NLGN4X: variants seen among roughly 807,000 people sequenced by gnomAD.
The protein encoded by NLGN4X is neuroligin 4 X-linked, also known as neuroligin-4, X-linked.
Under a neutral mutation model 40.3 loss-of-function variants are expected in NLGN4X, and 3 were observed. That is an observed-to-expected ratio of 0.07 (90% CI 0.03 to 0.19). The LOEUF is 0.19. Among genes scored for constraint, NLGN4X ranks in the 10% least tolerant of loss-of-function variants. The pLI is 1.00. For synonymous variants in NLGN4X, 270 were observed against 306.8 expected, an observed-to-expected ratio of 0.88 and a Z score of 1.25; for missense variants, 382 against 708.3, an observed-to-expected ratio of 0.54 and a Z score of 5.23.
chrX:6,228,284 G>A (rs1259873333), intron 1 of NLGN4X, among the ~76,000 whole-genome samples: 1 of 111,413 alleles, frequency 9.0e-6, no homozygotes, highest in African/African-American at 3.3e-5. Flanking sequence ...CTGTGGAGAG[G>A]TTGCATGTAA....
chrX:5,913,526 G>A (rs2032617452), intron 3 of NLGN4X, among the ~76,000 whole-genome samples: 1 of 111,992 alleles, frequency 8.9e-6, no homozygotes, highest in Non-Finnish European at 1.9e-5. Flanking sequence ...TTTAGCCGAT[G>A]AAATTTTGGT....
At chrX:6,159,988 T>C (rs2040350667) in intron 1 of NLGN4X, among the ~76,000 whole-genome samples, 1 of 110,871 alleles carries the variant, frequency 9.0e-6, no homozygotes, top group African/African-American at 3.3e-5. Flanking sequence ...GAATGATGGC[T>C]ACCAGAGGCT....
At chrX:5,986,694 C>T (rs996650829) in intron 3 of NLGN4X, among the ~76,000 whole-genome samples, 14 of 111,657 alleles carry the variant, frequency 1.3e-4, no homozygotes, top group African/African-American at 4.6e-4. Flanking sequence ...AGACACACAA[C>T]CCAGTAGAAA....
intron 1 of NLGN4X, among the ~76,000 whole-genome samples, chrX:6,190,931 A>G (rs1213338679): frequency 9.0e-6 from 1 of 110,993 alleles, no homozygotes; most frequent in Non-Finnish European, 1.9e-5. Flanking sequence ...CAGACAGGTG[A>G]CCTTCATCTG....
intron 2 of NLGN4X, among the ~76,000 whole-genome samples, chrX:6,100,453 T>C (rs1482424192): frequency 2.7e-5 from 3 of 112,682 alleles, no homozygotes; most frequent in African/African-American, 9.7e-5. Context: ...TTTGGTTTTA[T>C]GCAAAGCTAA....
intron 1 of NLGN4X, among the ~76,000 whole-genome samples, chrX:6,207,463 C>T (rs771654843): frequency 1.8e-5 from 2 of 112,228 alleles, no homozygotes; most frequent in Non-Finnish European, 3.8e-5. Flanking sequence ...TTAACCATGG[C>T]ATCAACATCT....
At chrX:5,977,255 G>A (rs777145837) in intron 3 of NLGN4X, among the ~76,000 whole-genome samples, 54 of 111,464 alleles carry the variant, frequency 4.8e-4, no homozygotes, top group Non-Finnish European at 9.2e-4. Flanking sequence ...TTGCTCTGTC[G>A]CCTAGGCTGG....
Position 6,151,424 on chromosome X carries a change from T to C in NLGN4X, c.43A>G (p.Thr15Ala). The change falls in exon 2 of 6, where the codon ACC becomes GCC. Residue 15 changes from threonine (T) to alanine (A), a missense_variant. Coordinates refer to ENST00000381095, the MANE Select transcript of NLGN4X (RefSeq NM_181332.3). ...QGLLWLPLLF[T>A]PVCVMLNSNV... Reference sequence around the variant, plus strand: ...GAGTTTAACATGACGCAGACCGGGGTGAACAACAAAGGAAGCCATAGCAGT... The same window carrying C: ...GAGTTTAACATGACGCAGACCGGGGCGAACAACAAAGGAAGCCATAGCAGT... The C allele has an allele frequency of 8.3e-7, 1 of 1,209,318 alleles. No individual in the cohort carries two copies. Among genetic ancestry groups the C allele is most frequent in the Non-Finnish European group, 1.1e-6 (1 of 894,756 alleles).
intron 1 of NLGN4X, among the ~76,000 whole-genome samples, chrX:6,199,519 G>A (rs184279997): frequency 1.7e-3 from 189 of 111,572 alleles, no homozygotes; most frequent in African/African-American, 5.6e-3. Flanking sequence ...TGCTAGTTTT[G>A]ACCCACATCT....
chrX:5,999,111 T>A (rs193279001), intron 3 of NLGN4X, among the ~76,000 whole-genome samples: 30 of 111,677 alleles, frequency 2.7e-4, no homozygotes, highest in African/African-American at 9.8e-4. Context: ...AAAACCCCAG[T>A]TGCCACCAAG....
intron 2 of NLGN4X, among the ~76,000 whole-genome samples, chrX:6,046,163 C>T (rs2037313647): frequency 9.0e-6 from 1 of 111,620 alleles, no homozygotes; most frequent in Non-Finnish European, 1.9e-5. Flanking sequence ...TAAAAGAACG[C>T]TTACATATTT....
intron 2 of NLGN4X, among the ~76,000 whole-genome samples, chrX:6,068,755 A>C (rs2037985571): frequency 9.0e-6 from 1 of 111,347 alleles, no homozygotes; most frequent in African/African-American, 3.3e-5. Context: ...CTGCTGATTA[A>C]ATTTCATTGA....
At chrX:5,989,556 A>G (rs932787267) in intron 3 of NLGN4X, among the ~76,000 whole-genome samples, 4 of 112,724 alleles carry the variant, frequency 3.5e-5, no homozygotes, top group African/African-American at 1.3e-4. Flanking sequence ...ATATGTAAGA[A>G]TACGCATTGC....
intron 1 of NLGN4X, among the ~76,000 whole-genome samples, chrX:6,191,789 G>A (rs1349021729): frequency 9.0e-6 from 1 of 111,666 alleles, no homozygotes; most frequent in Non-Finnish European, 1.9e-5. Flanking sequence ...AACCTGGGAG[G>A]TGGAGGTTGC....
chrX:6,127,669 G>GA (rs965882913), intron 2 of NLGN4X, among the ~76,000 whole-genome samples: 3 of 112,043 alleles, frequency 2.7e-5, no homozygotes, highest in African/African-American at 9.7e-5. Context: ...CCCTATTGGG[G>GA]AAAAAAATAA....
chrX:5,924,761 A>G (rs893070695), intron 3 of NLGN4X, among the ~76,000 whole-genome samples: 1 of 111,211 alleles, frequency 9.0e-6, no homozygotes, highest in African/African-American at 3.3e-5. Flanking sequence ...GGAATGGAAA[A>G]CCAAACATCT....
At chrX:6,029,823 A>G (rs781088056) in intron 2 of NLGN4X, among the ~76,000 whole-genome samples, 2 of 111,991 alleles carry the variant, frequency 1.8e-5, no homozygotes, top group East Asian at 5.6e-4. Flanking sequence ...CTAATTAAGT[A>G]TAAAATCAAC....
intron 2 of NLGN4X, among the ~76,000 whole-genome samples, chrX:6,115,325 G>C (rs960262880): frequency 8.9e-6 from 1 of 111,824 alleles, no homozygotes; most frequent in African/African-American, 3.3e-5. Context: ...GTTGTGCCTT[G>C]GGAATATAGG....
chrX:6,133,834 C>T (rs1569257372), intron 2 of NLGN4X, among the ~76,000 whole-genome samples: 2 of 111,808 alleles, frequency 1.8e-5, no homozygotes, highest in Admixed American at 1.9e-4. Context: ...TGGTCCTTTA[C>T]ATCAGGGGTC....
Sources: allele counts gnomAD v4.1 joint callset (sites outside exome capture counted in the v4.1 genomes callset), GRCh38; gene constraint gnomAD v4.1.1; transcripts MANE v1.5; gene names NCBI Gene and HGNC (gene_info 2026-07-23, HGNC 2026-07-21).